The following CD72 variants were observed in gnomAD, a reference collection of about 807,000 sequenced individuals.
CD72 encodes CD72 molecule.
In CD72, 28 loss-of-function variants were observed where a neutral mutation model predicts 50.7. That is an observed-to-expected ratio of 0.55 (90% CI 0.41 to 0.76). The LOEUF is 0.76. CD72 is among the 30% of genes least tolerant of loss of function. CD72 has a pLI of 0.00. For missense variants in CD72, 403 were observed against 420.6 expected (o/e 0.96, Z 0.37); for synonymous variants, 176 against 171.2 (o/e 1.03, Z -0.22).
At chr9:35,616,932 A>T in intron 3 of CD72, 1 of 1,375,688 alleles carries the variant, frequency 7.3e-7, no homozygotes, top group Non-Finnish European at 9.6e-7. Context: ...AGGGGAAGGA[A>T]ATATCAGACG....
upstream of CD72, chr9:35,618,795 G>C: frequency 7.8e-7 from 1 of 1,286,900 alleles, no homozygotes; most frequent in South Asian, 1.2e-5. Context: ...ATGAGACTGG[G>C]GGTTCCTGGT....
Position 35,618,412 on chromosome 9 carries a change from G to A in CD72, c.-109C>T, listed in dbSNP as rs1563896405. ...TAGGCTCTGTGTTCCCTCTGTGACT[G>A]CACGGCTTAGCAATTGGCCCTGTGA... On this transcript the variant is annotated 5_prime_UTR_variant, in exon 1 of 9. Transcript: ENST00000259633. 3 of 1,554,604 alleles carry A rather than the reference G, an allele frequency of 1.9e-6. No homozygotes were observed. The highest frequency in any genetic ancestry group is 1.2e-5 in the South Asian group (1 of 85,096).
chr9:35,641,755 C>T (rs553330948), intron 1 of CD72, among the ~76,000 whole-genome samples: 71 of 152,144 alleles, frequency 4.7e-4, no homozygotes, highest in South Asian at 1.9e-3. Context: ...ATCTGCTTGG[C>T]GGTTCCCTTC....
intron 6 of CD72, 125 bp downstream of exon 6, chr9:35,612,723 T>C (rs929205722): frequency 1.5e-5 from 13 of 851,982 alleles, no homozygotes; most frequent in Non-Finnish European, 2.3e-5. Context: ...ATTATGATTC[T>C]CAGTTTCTTC....
intron 1 of CD72, among the ~76,000 whole-genome samples, chr9:35,645,293 A>G (rs962705084): frequency 6.6e-6 from 1 of 151,976 alleles, no homozygotes; most frequent in Non-Finnish European, 1.5e-5. Context: ...CAAGGTTTCA[A>G]ATGAAGTCAT....
rs559508434 is a variant in CD72 at position 35,639,841 on chromosome 9, G to T, written n.408+6562C>A. Among the ~76,000 whole-genome samples the T allele has an allele frequency of 3.3e-5, 5 of 152,226 alleles. No homozygotes were observed. In the East Asian group the frequency reaches 5.8e-4, roughly 18 times the overall value. ...GGAAACTAAGAGTAAAAACCAACCA[G>T]TTGTTACTTTGCAAAATGGAAATGT... On this transcript the variant is annotated intron_variant and non_coding_transcript_variant, in intron 1 of 3. Coordinates refer to the CD72 transcript ENST00000465754.
chr9:35,617,976 G>T, intron 2 of CD72, 38 bp downstream of exon 2: 2 of 1,204,702 alleles, frequency 1.7e-6, no homozygotes, highest in Non-Finnish European at 2.5e-6. Flanking sequence ...TCAAGACACA[G>T]CCCCCCAACA....
chr9:35,615,480 G>A lies in CD72; in HGVS notation c.688+463C>T, dbSNP rs960802261. On this transcript the variant is annotated intron_variant, in intron 5 of 8. Transcript: ENST00000259633. ...CTCCACCTCACTGTGAGTGCTGAGC[G>A]CCTCACTGCCTTGCCCCACCACCAG... 9.2e-5 allele frequency among the ~76,000 whole-genome samples: 14 copies of A among 152,172 alleles called. No individual in the cohort carries two copies. The East Asian group carries it at 1.7e-3, about 19-fold the overall frequency.
Position 35,610,714 on chromosome 9 carries a change from T to G in CD72, c.990A>C (p.Lys330Asn). The change falls in exon 8 of 9, where the codon AAA becomes AAC. Residue 330 changes from lysine to asparagine, a missense_variant. Coordinates refer to ENST00000259633, the MANE Select transcript of CD72 (RefSeq NM_001782.3). ...AQSSKCNKVHKTWSWWTLESE... is the reference protein window; with the variant it reads ...AQSSKCNKVHNTWSWWTLESE... ...ACTCCAGTGTCCACCATGACCAAGT[T>G]TTATGTACCTTGTTACATTTTGAGC... is the stretch of plus-strand genomic sequence containing the variant. 6.2e-7 allele frequency: 1 copy of G among 1,612,460 alleles called. No individual in the cohort carries two copies. Among genetic ancestry groups the G allele is most frequent in the Non-Finnish European group, 8.5e-7 (1 of 1,178,580 alleles).
At chr9:35,611,626 G>T (rs1027377585) in intron 7 of CD72, among the ~76,000 whole-genome samples, 178 bp downstream of exon 7, 1 of 152,162 alleles carries the variant, frequency 6.6e-6, no homozygotes, top group Non-Finnish European at 1.5e-5. Context: ...AAATAGAATG[G>T]AGAATAAGAT....
chr9:35,638,835 C>T (rs1032505413), intron 1 of CD72, among the ~76,000 whole-genome samples: 31 of 151,782 alleles, frequency 2.0e-4, no homozygotes, highest in African/African-American at 5.8e-4. Flanking sequence ...TATAGCTAGG[C>T]GAGATTACAT....
intron 1 of CD72, among the ~76,000 whole-genome samples, chr9:35,645,790 G>A (rs1357626103): frequency 6.6e-6 from 1 of 152,076 alleles, no homozygotes; most frequent in Non-Finnish European, 1.5e-5. Context: ...ATCTTTGAGA[G>A]ACTACAGAGC....
rs1338428930 is a variant in CD72 at position 35,618,246 on chromosome 9, T to G, written c.58A>C (p.Ser20Arg). ...CCCTGTCCTAACCGGCTGGAGATGC[T>G]CTTCTTCAGGGGAGCCTTCACAAAC... ...LRFVKAPLKK[S>R]ISSRLGQDPG... The change falls in exon 1 of 9, where the codon AGC (serine) becomes CGC (arginine). Residue 20 changes from serine (S) to arginine (R), a missense_variant. Ser to Arg is a moderately radical substitution (Grantham distance 110). Transcript: ENST00000259633. 1 of 1,614,114 alleles carries G rather than the reference T, an allele frequency of 6.2e-7. No individual in the cohort carries two copies. The highest frequency in any genetic ancestry group is 8.5e-7 in the Non-Finnish European group (1 of 1,180,002).
chr9:35,616,954 AG>A, intron 3 of CD72: 4 of 1,336,532 alleles, frequency 3.0e-6, no homozygotes, highest in Non-Finnish European at 3.9e-6. Flanking sequence ...AGAGAGGGGA[AG>A]GGGGGCAGGT....
upstream of CD72, among the ~76,000 whole-genome samples, chr9:35,621,290 G>A (rs1446968588): frequency 1.3e-5 from 2 of 152,154 alleles, no homozygotes; most frequent in Non-Finnish European, 2.9e-5. Flanking sequence ...TCATTACAGG[G>A]AATGGGTGTT....
At chr9:35,634,714 C>T (rs544627117) in intron 1 of CD72, among the ~76,000 whole-genome samples, 1 of 152,296 alleles carries the variant, frequency 6.6e-6, no homozygotes, top group African/African-American at 2.4e-5. Flanking sequence ...CTCCCCACCT[C>T]TCCCTGCCTT....
chr9:35,642,268 T>A (rs889385130), intron 1 of CD72, among the ~76,000 whole-genome samples: 5 of 152,206 alleles, frequency 3.3e-5, no homozygotes, highest in African/African-American at 1.2e-4. Flanking sequence ...TGTGGCTGGG[T>A]TAAGAGTTGC....
At chr9:35,634,348 A>C (rs544874631) in intron 1 of CD72, among the ~76,000 whole-genome samples, 33 of 152,096 alleles carry the variant, frequency 2.2e-4, no homozygotes, top group Admixed American at 8.5e-4. Context: ...CATCCCAATA[A>C]AATGTAATCT....
intron 1 of CD72, among the ~76,000 whole-genome samples, chr9:35,633,697 C>G (rs1456942296): frequency 6.6e-6 from 1 of 152,160 alleles, no homozygotes; most frequent in Non-Finnish European, 1.5e-5. Flanking sequence ...CCCACCTCCC[C>G]CAGCCCGTAA....
Sources: gnomAD v4.1 joint callset for allele counts (sites outside exome capture counted in the v4.1 genomes callset) on GRCh38, gnomAD v4.1.1 for gene constraint, MANE v1.5 for transcripts, NCBI Gene and HGNC (gene_info 2026-07-23, HGNC 2026-07-21) for gene names.